C1orf162: variants seen among roughly 807,000 people sequenced by gnomAD.
C1orf162 encodes chromosome 1 open reading frame 162.
A neutral mutation model predicts 11.4 loss-of-function variants in C1orf162; 10 were observed. The observed-to-expected ratio is 0.88, with a 90% CI of 0.54 to 1.48. C1orf162 has a LOEUF of 1.48. C1orf162 is among the 40% of genes most tolerant of loss of function. C1orf162 has a pLI of 0.00. For missense variants in C1orf162, 140 were observed against 149.5 expected (o/e 0.94, Z 0.33); for synonymous variants, 53 against 55.0 (o/e 0.96, Z 0.16).
chr1:111,477,019 T>C (rs759437189), intron 3 of C1orf162, 152 bp downstream of exon 3: 25 of 839,834 alleles, frequency 3.0e-5, no homozygotes, highest in Non-Finnish European at 4.8e-5. Flanking sequence ...CTCAGGAGTA[T>C]GGCTCTTAAT....
In C1orf162 at chr1:111,477,033, G is replaced by C. The variant is rs1218119898; in HGVS notation, c.107+166G>C. On this transcript the variant is annotated intron_variant, in intron 3 of 5. Transcript: ENST00000369718. Reference sequence around the variant, plus strand: ...TCTCAGGAGTATGGCTCTTAATTTGGCATCCCCTAAGCTTCAAGAGATCCA... The same window carrying C: ...TCTCAGGAGTATGGCTCTTAATTTGCCATCCCCTAAGCTTCAAGAGATCCA... 3.9e-6 allele frequency: 3 copies of C among 767,182 alleles called. No homozygotes were observed. The Admixed American group carries it at 6.8e-5, about 17-fold the overall frequency. The allele number at this position is 767,182 out of a possible 1,614,324, so 47.5% of individuals were successfully genotyped here.
intron 3 of C1orf162, 98 bp downstream of exon 3, chr1:111,476,965 G>T: frequency 7.8e-7 from 1 of 1,286,984 alleles, no homozygotes. Context: ...GGAGACTGGG[G>T]AGAAAGGACT....
Position 111,478,079 on chromosome 1 carries a change from G to A in C1orf162, c.349G>A (p.Asp117Asn). ...TCACTTGGCTGAGAACCATTCTGCA[G>A]ACTTTGACCCCATTGTCTATGCTCA... ...SNHLAENHSADFDPIVYAQIK... is the reference protein window; with the variant it reads ...SNHLAENHSANFDPIVYAQIK... Residue 117 changes from aspartate to asparagine, a missense_variant, in exon 6 of 6, where the codon GAC (aspartate) becomes AAC (asparagine). Asp to Asn is a conservative substitution (Grantham distance 23). Coordinates refer to ENST00000369718, the MANE Select transcript of C1orf162 (RefSeq NM_001300834.2). 6.2e-7 allele frequency: 1 copy of A among 1,614,204 alleles called. No individual in the cohort carries two copies. Among genetic ancestry groups the A allele is most frequent in the South Asian group, 1.1e-5 (1 of 91,082 alleles).
chr1:111,476,829 A>G lies in C1orf162; in HGVS notation c.69A>G (p.Pro23=), dbSNP rs776855443. Reference sequence around the variant, plus strand: ...AAGGCACTCTCTCCACAGCAGCCCCAACAACTAGCCCTGCACCCTGTCTCT... The same window carrying G: ...AAGGCACTCTCTCCACAGCAGCCCCGACAACTAGCCCTGCACCCTGTCTCT... The part of the protein sequence containing the change: ...ERQGTLSTAA[P]TTSPAPCLSN... Residue 23 remains proline, a synonymous_variant, in exon 3 of 6, where the codon CCA becomes CCG. Transcript: ENST00000369718. 12 of 1,613,950 alleles carry G rather than the reference A, an allele frequency of 7.4e-6. No individual in the cohort carries two copies. Among genetic ancestry groups the G allele is most frequent in the African/African-American group, 1.3e-5 (1 of 74,882 alleles).
chr1:111,477,872 T>C, intron 5 of C1orf162, 97 bp downstream of exon 5: 1 of 1,596,034 alleles, frequency 6.3e-7, no homozygotes, highest in Admixed American at 1.7e-5. Context: ...TGGTATTGAT[T>C]TCCAGACACT....
At chr1:111,477,848 A>G in intron 5 of C1orf162, 73 bp downstream of exon 5, 2 of 1,596,246 alleles carry the variant, frequency 1.3e-6, no homozygotes, top group Non-Finnish European at 1.7e-6. Context: ...ACTCTTCATT[A>G]TCTGCTAGAA....
intron 3 of C1orf162, 155 bp from the exon 4 acceptor site, chr1:111,477,179 C>G (rs1035057140): frequency 1.4e-6 from 1 of 722,554 alleles, no homozygotes; most frequent in Non-Finnish European, 2.3e-6. Flanking sequence ...GGATGTGAAA[C>G]TCAAAAGCAA....
rs1271536662 is a variant in C1orf162 at position 111,477,028 on chromosome 1, A to G, written c.107+161A>G. ...TGTGATCTCAGGAGTATGGCTCTTAATTTGGCATCCCCTAAGCTTCAAGAG... is the reference window on the plus strand; with the variant it reads ...TGTGATCTCAGGAGTATGGCTCTTAGTTTGGCATCCCCTAAGCTTCAAGAG... On this transcript the variant is annotated intron_variant, in intron 3 of 5. Transcript: ENST00000369718. 11 of 785,492 alleles carry G rather than the reference A, an allele frequency of 1.4e-5. No homozygotes were observed. The East Asian group carries it at 2.9e-4, about 21-fold the overall frequency. The allele number at this position is 785,492 out of a possible 1,614,324, so 48.7% of individuals were successfully genotyped here. A position where few individuals can be genotyped will look rare whatever the true frequency, so the allele number is the denominator to read the frequency against.
At chr1:111,476,770 C>A in intron 2 of C1orf162, 28 bp from the exon 3 acceptor site, 1 of 1,609,170 alleles carries the variant, frequency 6.2e-7, no homozygotes, top group Non-Finnish European at 8.5e-7. Context: ...GTGACAGATA[C>A]ACTAATTCCT....
intron 5 of C1orf162, 33 bp from the exon 6 acceptor site, chr1:111,477,950 A>T: frequency 1.9e-6 from 3 of 1,613,710 alleles, no homozygotes; most frequent in South Asian, 2.2e-5. Flanking sequence ...TCCAGACTGG[A>T]CTCACTCATT....
At chr1:111,476,652 A>G in intron 2 of C1orf162, 146 bp from the exon 3 acceptor site, 1 of 742,512 alleles carries the variant, frequency 1.3e-6, no homozygotes, top group Non-Finnish European at 2.4e-6. Context: ...CTAAAAAACA[A>G]TGTTCTCTCA....
rs1653978006 is a variant in C1orf162, at chr1:111,476,050, T to C, written c.22T>C (p.Cys8Arg). 1 of 1,613,304 alleles carries C rather than the reference T, an allele frequency of 6.2e-7. No homozygotes were observed. Among genetic ancestry groups the C allele is most frequent in the African/African-American group, 1.3e-5 (1 of 74,926 alleles). The part of the protein sequence containing the change: MGGNGST[C>R]KPDTERQGTL... ...CAGCATGGGAGGCAATGGCTCCACA[T>C]GTAAACCCGACACTGGTGAGTTTAC... is the stretch of plus-strand genomic sequence containing the variant. The change falls in exon 2 of 6, where the codon TGT becomes CGT. Residue 8 changes from cysteine (C) to arginine (R), a missense_variant. Cys to Arg is a radical substitution (Grantham distance 180). Transcript: ENST00000369718.
Position 111,477,721 on chromosome 1 carries a change from G to A in C1orf162, c.203-5G>A, listed in dbSNP as rs202001434. On this transcript the variant is annotated splice_region_variant and splice_polypyrimidine_tract_variant and intron_variant, in intron 4 of 5. Transcript: ENST00000369718. ...GGGTCCCTCTTCTTTCTGGCACCAT[G>A]GCAGATCACTCCAAGCCCCAGGCCC... 6 of 1,613,448 alleles carry A rather than the reference G, an allele frequency of 3.7e-6. No homozygotes were observed. In the East Asian group the frequency reaches 1.3e-4, roughly 36 times the overall value.
intron 1 of C1orf162, among the ~76,000 whole-genome samples, chr1:111,474,273 G>T (rs1214130078): frequency 1.3e-5 from 2 of 152,192 alleles, no homozygotes; most frequent in African/African-American, 4.8e-5. Context: ...CCAACTGTTT[G>T]GGTTGTGCTG....
rs954958455 is a variant in C1orf162, at chr1:111,474,093, C to T, written c.-12+63C>T. 6 of 152,260 alleles carry T rather than the reference C, an allele frequency of 3.9e-5. No homozygotes were observed. In the South Asian group the frequency reaches 6.2e-4, roughly 16 times the overall value. 9.4% of individuals were successfully genotyped at this position (152,260 alleles called of 1,614,324 possible). ...ATAATCACTCACCAAAAGAAAGTGT[C>T]GTCTAATTGTTAGTGGTTTCTATCA... On this transcript the variant is annotated intron_variant, in intron 1 of 5. Transcript: ENST00000369718.
In C1orf162 at chr1:111,474,220, A is replaced by G. The variant is rs375850592; in HGVS notation, c.-12+190A>G. ...TTCTCCAGTGCTGGATGAAACGTGA[A>G]AAAGTATATATAGCACCGCTTCTAT... On this transcript the variant is annotated intron_variant, in intron 1 of 5. Coordinates refer to ENST00000369718, the MANE Select transcript of C1orf162 (RefSeq NM_001300834.2). 5.4e-4 allele frequency among the ~76,000 whole-genome samples: 82 copies of G among 152,374 alleles called. No homozygotes were observed. The Middle Eastern group carries it at 0.014, about 25-fold the overall frequency.
intron 2 of C1orf162, among the ~76,000 whole-genome samples, chr1:111,476,359 C>T (rs1362989685): frequency 9.9e-5 from 15 of 152,122 alleles, no homozygotes; most frequent in Admixed American, 9.8e-4. Flanking sequence ...CTGTTTTTGG[C>T]TAGGCACTGC....
At position 111,478,312 on chromosome 1, in the gene C1orf162, G is replaced by GGAAA. The variant is rs1654067721; in HGVS notation, c.*192_*195dup. The GGAAA allele has an allele frequency of 1.4e-6, 1 of 700,906 alleles. No homozygotes were observed. Among genetic ancestry groups the GGAAA allele is most frequent in the Non-Finnish European group, 2.3e-6 (1 of 427,722 alleles). The allele number at this position is 700,906 out of a possible 1,614,324, so 43.4% of individuals were successfully genotyped here. A position where few individuals can be genotyped will look rare whatever the true frequency, so the allele number is the denominator to read the frequency against. On this transcript the variant is annotated 3_prime_UTR_variant, in exon 6 of 6. Transcript: ENST00000369718. The stretch of plus-strand genomic sequence containing the variant: ...AATGGTCAGTCTTTTCCTGGCCAGA[G>GGAAA]GAAAGATTGATGGCCCTCCCACTTG...
intron 1 of C1orf162, chr1:111,475,729 C>T: frequency 2.8e-6 from 1 of 353,756 alleles, no homozygotes; most frequent in Admixed American, 3.6e-5. Flanking sequence ...CATCAGTCTC[C>T]TGTGAGTTGG....
Sources: allele counts gnomAD v4.1 joint callset (sites outside exome capture counted in the v4.1 genomes callset), GRCh38; gene constraint gnomAD v4.1.1; transcripts MANE v1.5; gene names NCBI Gene and HGNC (gene_info 2026-07-23, HGNC 2026-07-21).